WDPCP: variants seen among roughly 807,000 people sequenced by gnomAD.
The protein encoded by WDPCP is WD repeat containing planar cell polarity effector.
WDPCP carries 71 observed loss-of-function variants against 93.1 expected under a neutral mutation model. The ratio of observed to expected loss-of-function variants is 0.76; its 90% CI spans 0.63 to 0.93. The LOEUF (loss-of-function observed/expected upper bound fraction) is 0.93. Ranked by LOEUF, WDPCP falls within the 40% of genes least tolerant of loss-of-function variation. WDPCP has a pLI of 0.00. For missense variants in WDPCP, 844 were observed against 887.4 expected (o/e 0.95, Z 0.62); for synonymous variants, 315 against 315.0 (o/e 1.00, Z 0.00).
intron 1 of WDPCP, among the ~76,000 whole-genome samples, chr2:63,581,914 T>C (rs921686900): frequency 6.6e-6 from 1 of 150,966 alleles, no homozygotes; most frequent in Admixed American, 6.6e-5. Context: ...GAGCTGAGGA[T>C]GGAGGATTGC....
At chr2:63,822,895 T>C (rs1469528747) in intron 1 of WDPCP, among the ~76,000 whole-genome samples, 1 of 150,732 alleles carries the variant, frequency 6.6e-6, no homozygotes, top group Middle Eastern at 3.2e-3. Context: ...TATATATATA[T>C]TCATTTATTT....
At chr2:63,236,908 T>C (rs182826892) in intron 14 of WDPCP, among the ~76,000 whole-genome samples, 5 of 152,096 alleles carry the variant, frequency 3.3e-5, no homozygotes, top group Admixed American at 2.6e-4. Flanking sequence ...CTTGTGGAAA[T>C]TGACACAGCC....
intron 1 of WDPCP, among the ~76,000 whole-genome samples, chr2:63,514,691 C>T (rs1016117340): frequency 6.6e-6 from 1 of 152,012 alleles, no homozygotes; most frequent in Non-Finnish European, 1.5e-5. Context: ...AGACGTTAAA[C>T]ACCTAAATAC....
intron 14 of WDPCP, among the ~76,000 whole-genome samples, chr2:63,207,686 C>T (rs1676447340): frequency 6.6e-6 from 1 of 152,132 alleles, no homozygotes; most frequent in African/African-American, 2.4e-5. Context: ...CAGAGGATTT[C>T]ATTAGAATAT....
At chr2:63,743,296 A>C (rs772110997) in intron 2 of WDPCP, among the ~76,000 whole-genome samples, 1 of 152,076 alleles carries the variant, frequency 6.6e-6, no homozygotes, top group Non-Finnish European at 1.5e-5. Flanking sequence ...ATCAGACCCA[A>C]CTATTTCAGT....
At chr2:63,234,774 AC>A (rs1486830594) in intron 14 of WDPCP, among the ~76,000 whole-genome samples, 1 of 152,186 alleles carries the variant, frequency 6.6e-6, no homozygotes, top group African/African-American at 2.4e-5. Context: ...AGAATGTATG[AC>A]AAGCGTACTC....
chr2:63,707,419 C>A (rs1036052295), intron 2 of WDPCP, among the ~76,000 whole-genome samples: 8 of 152,134 alleles, frequency 5.3e-5, no homozygotes, highest in East Asian at 1.9e-4. Context: ...TTGATCGCAT[C>A]GGTTACTGAG....
intron 3 of WDPCP, among the ~76,000 whole-genome samples, chr2:63,621,466 G>GTA (rs1709736705): frequency 3.3e-5 from 5 of 151,926 alleles, no homozygotes; most frequent in African/African-American, 1.2e-4. Context: ...GTGAAGACAA[G>GTA]ATTAGAGAAT....
intron 2 of WDPCP, among the ~76,000 whole-genome samples, chr2:63,745,138 T>C (rs181071124): frequency 6.6e-4 from 100 of 152,322 alleles, no homozygotes; most frequent in Admixed American, 1.6e-3. Context: ...TCATAAGTAA[T>C]GTACTCTACT....
At chr2:63,595,394 T>C in intron 3 of WDPCP, 1 of 1,364,972 alleles carries the variant, frequency 7.3e-7, no homozygotes. Context: ...TAGCCTACAC[T>C]AACAGATGCT....
At chr2:63,709,161 AGGTGT>A (rs1371712675) in intron 2 of WDPCP, among the ~76,000 whole-genome samples, 1 of 71,456 alleles carries the variant, frequency 1.4e-5, no homozygotes, top group African/African-American at 6.5e-5. Context: ...TGAACCCTGG[AGGTGT>A]GACCCGGGCT....
At chr2:63,330,957 A>G (rs1477284271) in intron 12 of WDPCP, among the ~76,000 whole-genome samples, 1 of 140,078 alleles carries the variant, frequency 7.1e-6, no homozygotes, top group Non-Finnish European at 1.5e-5. Context: ...TGCAGCCTTG[A>G]CCTCCCAGGT....
chr2:63,681,284 A>G (rs1710488804), intron 2 of WDPCP, among the ~76,000 whole-genome samples: 1 of 152,106 alleles, frequency 6.6e-6, no homozygotes. Context: ...GCATTTCTGG[A>G]TCTGCTGTGG....
chr2:63,640,855 A>G (rs1029861557), intron 3 of WDPCP, among the ~76,000 whole-genome samples: 3 of 152,198 alleles, frequency 2.0e-5, no homozygotes, highest in African/African-American at 7.2e-5. Context: ...TAAATGTACA[A>G]TTAAATTATT....
chr2:63,307,272 T>A (rs1339079624), intron 13 of WDPCP, among the ~76,000 whole-genome samples: 2 of 152,182 alleles, frequency 1.3e-5, no homozygotes, highest in African/African-American at 4.8e-5. Flanking sequence ...TCCATGCTCA[T>A]GGATAGGAAG....
At chr2:63,146,006 CTTGGCTATTG>C (rs773959505) in intron 17 of WDPCP, among the ~76,000 whole-genome samples, 6 of 152,068 alleles carry the variant, frequency 3.9e-5, no homozygotes, top group Non-Finnish European at 5.9e-5. Context: ...TGGCTCTTGG[CTTGGCTATTG>C]TTGGTGTATA....
chr2:63,532,979 G>A (rs1373714163), intron 1 of WDPCP, among the ~76,000 whole-genome samples: 6 of 152,132 alleles, frequency 3.9e-5, no homozygotes, highest in Non-Finnish European at 8.8e-5. Context: ...CATGTGCAGA[G>A]ACACATATAG....
In WDPCP at chr2:63,387,796, G is replaced by A. The variant is rs569087157; in HGVS notation, c.1436-5702C>T. On this transcript the variant is annotated intron_variant, in intron 10 of 17. Coordinates refer to ENST00000272321, the MANE Select transcript of WDPCP (RefSeq NM_015910.7). Reference sequence around the variant, plus strand: ...CAAAGTTTCACGATACAAAACTAAAGTATACAAATCAGTAATATTTCCATA... The same window carrying A: ...CAAAGTTTCACGATACAAAACTAAAATATACAAATCAGTAATATTTCCATA... Among the ~76,000 whole-genome samples, 32 of 152,136 alleles carry A rather than the reference G, an allele frequency of 2.1e-4. No homozygotes were observed. The South Asian group carries it at 6.6e-3, about 32-fold the overall frequency.
intron 10 of WDPCP, among the ~76,000 whole-genome samples, chr2:63,390,802 A>C (rs1481427471): frequency 6.6e-6 from 1 of 152,212 alleles, no homozygotes; most frequent in Non-Finnish European, 1.5e-5. Context: ...GAAATGGATA[A>C]ATTCCTGGAC....
Sources: allele counts gnomAD v4.1 joint callset (sites outside exome capture counted in the v4.1 genomes callset), GRCh38; gene constraint gnomAD v4.1.1; transcripts MANE v1.5; gene names NCBI Gene and HGNC (gene_info 2026-07-23, HGNC 2026-07-21).